Variants in FAM47E observed in about 807,000 individuals in gnomAD.
FAM47E encodes protein FAM47E.
FAM47E carries 32 observed loss-of-function variants against 41.6 expected under a neutral mutation model. That is an observed-to-expected ratio of 0.77 (90% CI 0.58 to 1.03). FAM47E has a LOEUF of 1.03. FAM47E is among the 50% of genes least tolerant of loss of function. FAM47E has a pLI of 0.00. For missense variants in FAM47E, 424 were observed against 485.4 expected, an observed-to-expected ratio of 0.87 and a Z score of 1.19; for synonymous variants, 184 against 188.7, an observed-to-expected ratio of 0.98 and a Z score of 0.20.
Position 76,251,732 on chromosome 4 carries a change from G to T in FAM47E, c.-15G>T. On this transcript the variant is annotated 5_prime_UTR_variant, in exon 1 of 8. Coordinates refer to ENST00000424749, the MANE Select transcript of FAM47E (RefSeq NM_001136570.3). ...CCGCCCAAGCCCGGACGGTGGCCGCGAAGCTAGGGCCACCATGGCGGACCG... is the reference window on the plus strand; with the variant it reads ...CCGCCCAAGCCCGGACGGTGGCCGCTAAGCTAGGGCCACCATGGCGGACCG... 1 of 1,474,022 alleles carries T rather than the reference G, an allele frequency of 6.8e-7. No individual in the cohort carries two copies. Among genetic ancestry groups the T allele is most frequent in the South Asian group, 1.3e-5 (1 of 76,878 alleles). The allele number at this position is 1,474,022 out of a possible 1,614,324, so 91.3% of individuals were successfully genotyped here.
intron 2 of FAM47E, among the ~76,000 whole-genome samples, chr4:76,218,499 C>T (rs926512932): frequency 2.6e-5 from 4 of 152,288 alleles, no homozygotes; most frequent in South Asian, 2.1e-4. Flanking sequence ...CCCTGTCTAC[C>T]GCCTCCTCCG....
At chr4:76,271,277 A>C (rs1477869602) in intron 4 of FAM47E, among the ~76,000 whole-genome samples, 4 of 152,204 alleles carry the variant, frequency 2.6e-5, no homozygotes, top group Non-Finnish European at 4.4e-5. Flanking sequence ...TCTGGAAAAT[A>C]CTTCTAGAGA....
intron 5 of FAM47E, among the ~76,000 whole-genome samples, chr4:76,276,842 A>G (rs902153369): frequency 3.3e-5 from 5 of 152,214 alleles, no homozygotes; most frequent in Non-Finnish European, 7.3e-5. Context: ...CGGAACAGAG[A>G]GATCACAATG....
rs114017776 is a variant in FAM47E at position 76,229,414 on chromosome 4, C to T, written c.81+11726C>T. Reference sequence around the variant, plus strand: ...TGTGGTTTTGTGGGGTGTTATAGAACCTTGTTTTGTCATATTACCAGAATT... The same window carrying T: ...TGTGGTTTTGTGGGGTGTTATAGAATCTTGTTTTGTCATATTACCAGAATT... On this transcript the variant is annotated intron_variant, in intron 2 of 7. Coordinates refer to the FAM47E transcript ENST00000510197. Among the ~76,000 whole-genome samples, 671 of 152,238 alleles carry T rather than the reference C, an allele frequency of 4.4e-3. 4 individuals are homozygous for T. Among genetic ancestry groups the T allele is most frequent in the African/African-American group, 0.016 (644 of 41,522 alleles).
intron 2 of FAM47E, among the ~76,000 whole-genome samples, chr4:76,239,381 G>T (rs1157112419): frequency 6.6e-6 from 1 of 151,972 alleles, no homozygotes; most frequent in African/African-American, 2.4e-5. Context: ...CCACATCCTT[G>T]CCAACACTTA....
In FAM47E at chr4:76,232,154, T is replaced by G. The variant is rs149234364; in HGVS notation, c.81+14466T>G. Among the ~76,000 whole-genome samples, 273 of 152,334 alleles carry G rather than the reference T, an allele frequency of 1.8e-3. 1 individual carries two copies. The highest frequency in any genetic ancestry group is 6.8e-3 in the Middle Eastern group (2 of 294). ...TACCTTGCTTAATTATTAAAGGCCATAAATAGTTCAAAATAAGTTTCCTTG... is the reference window on the plus strand; with the variant it reads ...TACCTTGCTTAATTATTAAAGGCCAGAAATAGTTCAAAATAAGTTTCCTTG... On this transcript the variant is annotated intron_variant, in intron 2 of 7. Coordinates refer to the FAM47E transcript ENST00000510197.
At chr4:76,258,364 C>T (rs780544862) in intron 2 of FAM47E, among the ~76,000 whole-genome samples, 1 of 152,126 alleles carries the variant, frequency 6.6e-6, no homozygotes, top group Non-Finnish European at 1.5e-5. Flanking sequence ...ATTGTTTGGT[C>T]GGCCTTAGGA....
intron 7 of FAM47E, chr4:76,281,685 T>C (rs1262329071): frequency 6.6e-6 from 1 of 152,180 alleles, no homozygotes; most frequent in Non-Finnish European, 1.5e-5. Context: ...CATTTTGATG[T>C]GTTCCCTATT....
intron 2 of FAM47E, 103 bp from the exon 3 acceptor site, chr4:76,263,601 G>A: frequency 1.4e-6 from 2 of 1,426,094 alleles, no homozygotes; most frequent in South Asian, 1.4e-5. Flanking sequence ...CTGATGGACT[G>A]AAAAGGAAAA....
chr4:76,269,995 T>G (rs567340048), intron 4 of FAM47E, among the ~76,000 whole-genome samples: 1 of 152,314 alleles, frequency 6.6e-6, no homozygotes, highest in Admixed American at 6.5e-5. Context: ...TTTTAGTCAA[T>G]GTATTTTTTT....
chr4:76,280,063 TA>T (rs1409385026), intron 6 of FAM47E, 200 bp from the exon 7 acceptor site: 1 of 436,440 alleles, frequency 2.3e-6, no homozygotes, highest in Non-Finnish European at 4.1e-6. Flanking sequence ...AGGAAAAGGC[TA>T]GGGGAAGGAG....
chr4:76,253,329 T>C lies in FAM47E; in HGVS notation c.74+1509T>C, dbSNP rs138745874. ...GTTTTGGGGCTAATATGTAGAAAGC[T>C]GCTATCGACATTTGTGTACAGAATT... is the stretch of plus-strand genomic sequence containing the variant. On this transcript the variant is annotated intron_variant, in intron 1 of 7. Transcript: ENST00000424749. Among the ~76,000 whole-genome samples, 845 of 144,446 alleles carry C rather than the reference T, an allele frequency of 5.8e-3. 3 individuals are homozygous for C. The highest frequency in any genetic ancestry group is 0.029 in the Middle Eastern group (8 of 276). 94.8% of individuals were successfully genotyped at this position (144,446 alleles called of 152,430 possible).
intron 2 of FAM47E, among the ~76,000 whole-genome samples, chr4:76,241,158 T>G (rs1733702045): frequency 6.6e-6 from 1 of 152,216 alleles, no homozygotes; most frequent in Non-Finnish European, 1.5e-5. Context: ...TCTTGGGTCT[T>G]TTCTAAGCCT....
exon 1 of FAM47E, chr4:76,214,117 G>C: frequency 2.4e-6 from 1 of 412,154 alleles, no homozygotes; most frequent in Admixed American, 2.8e-5. Flanking sequence ...TACTCATTCC[G>C]CAGATAGGTC....
At chr4:76,260,333 C>A (rs1169145602) in intron 2 of FAM47E, among the ~76,000 whole-genome samples, 1 of 152,072 alleles carries the variant, frequency 6.6e-6, no homozygotes, top group Non-Finnish European at 1.5e-5. Context: ...GCTACAGTAA[C>A]CAAAACAGCA....
intron 2 of FAM47E, among the ~76,000 whole-genome samples, chr4:76,233,492 T>C (rs1007588588): frequency 1.3e-5 from 2 of 152,204 alleles, no homozygotes; most frequent in Non-Finnish European, 2.9e-5. Context: ...ATCACAGCTT[T>C]TATCTTCCCT....
Position 76,263,783 on chromosome 4 carries a change from A to C in FAM47E, c.500A>C (p.Lys167Thr), listed in dbSNP as rs1336003398. The C allele has an allele frequency of 6.4e-7, 1 of 1,551,578 alleles. No individual in the cohort carries two copies. Among genetic ancestry groups the C allele is most frequent in the Non-Finnish European group, 8.7e-7 (1 of 1,146,872 alleles). Residue 167 changes from lysine to threonine, a missense_variant, in exon 3 of 8, where the codon AAA (lysine) becomes ACA (threonine). By Grantham distance (78) the Lys-to-Thr change is moderately conservative. Transcript: ENST00000424749. ...TGGGCTTATTGTCAGGACACCAGGA[A>C]AGGAATGAAGGAACCCACGAAGCTT... ...DTWAYCQDTRKGMKEPTKLLK... is the reference protein window; with the variant it reads ...DTWAYCQDTRTGMKEPTKLLK...
chr4:76,265,692 T>A (rs1185427008), intron 3 of FAM47E, among the ~76,000 whole-genome samples: 1 of 152,146 alleles, frequency 6.6e-6, no homozygotes. Context: ...TGTCTTAGAA[T>A]GTGGCTGGTC....
chr4:76,275,893 AC>A (rs1735077341), intron 5 of FAM47E, among the ~76,000 whole-genome samples: 1 of 151,508 alleles, frequency 6.6e-6, no homozygotes, highest in Non-Finnish European at 1.5e-5. Context: ...CCCTTCCTCC[AC>A]CTCAGGGATA....
Sources: gnomAD v4.1 joint callset for allele counts (sites outside exome capture counted in the v4.1 genomes callset) on GRCh38, gnomAD v4.1.1 for gene constraint, MANE v1.5 for transcripts, NCBI Gene and HGNC (gene_info 2026-07-23, HGNC 2026-07-21) for gene names.